Variants in DLGAP1 observed in about 807,000 individuals in gnomAD.
DLGAP1 encodes DLG associated protein 1.
Under a neutral mutation model 90.8 loss-of-function variants are expected in DLGAP1, and 11 were observed. That is an observed-to-expected ratio of 0.12 (90% confidence interval 0.08 to 0.20). DLGAP1 has a LOEUF of 0.20. Ranked by LOEUF, DLGAP1 falls within the 10% of genes least tolerant of loss-of-function variation. The pLI is 1.00. For missense variants in DLGAP1, 1,050 were observed against 1,333.8 expected (o/e 0.79, Z 3.31); for synonymous variants, 558 against 540.7 (o/e 1.03, Z -0.44).
At chr18:3,554,832 T>A (rs2053661218) in intron 9 of DLGAP1, among the ~76,000 whole-genome samples, 1 of 152,252 alleles carries the variant, frequency 6.6e-6, no homozygotes, top group African/African-American at 2.4e-5. Flanking sequence ...TAAATTATAA[T>A]TGATTCAAAA....
chr18:4,387,126 A>G (rs540843024), intron 1 of DLGAP1, among the ~76,000 whole-genome samples: 1 of 152,320 alleles, frequency 6.6e-6, no homozygotes, highest in South Asian at 2.1e-4. Context: ...AATAAAAACC[A>G]TGGGACTGGA....
intron 1 of DLGAP1, among the ~76,000 whole-genome samples, chr18:4,233,625 G>A (rs191265862): frequency 7.0e-4 from 106 of 152,200 alleles, no homozygotes; most frequent in African/African-American, 2.4e-3. Context: ...TTGTTAGAAG[G>A]AAGTCATTAA....
At chr18:3,926,438 A>ACG (rs758010487) in intron 3 of DLGAP1, among the ~76,000 whole-genome samples, 4,571 of 151,164 alleles carry the variant, frequency 0.03, 89 homozygotes, top group South Asian at 0.077. Flanking sequence ...ACACACACAC[A>ACG]CACACACATG....
chr18:4,300,160 T>G (rs1270628168), intron 1 of DLGAP1, among the ~76,000 whole-genome samples: 1 of 152,176 alleles, frequency 6.6e-6, no homozygotes, highest in African/African-American at 2.4e-5. Flanking sequence ...GCAAAGGAAT[T>G]TAATCCACAA....
chr18:4,078,824 A>C (rs1469283103), intron 2 of DLGAP1, among the ~76,000 whole-genome samples: 2 of 152,190 alleles, frequency 1.3e-5, no homozygotes, highest in African/African-American at 4.8e-5. Context: ...GAGGATTCTT[A>C]AGTGAAACAT....
At chr18:4,026,165 A>G (rs1434382539) in intron 2 of DLGAP1, among the ~76,000 whole-genome samples, 1 of 152,188 alleles carries the variant, frequency 6.6e-6, no homozygotes, top group African/African-American at 2.4e-5. Flanking sequence ...TACACACACA[A>G]ACATGCAAAG....
intron 3 of DLGAP1, among the ~76,000 whole-genome samples, chr18:3,974,333 T>C (rs1396645057): frequency 6.6e-6 from 1 of 152,098 alleles, no homozygotes. Flanking sequence ...TATAATCTTA[T>C]GGGACCACCG....
At chr18:3,773,260 C>T (rs778215668) in intron 5 of DLGAP1, among the ~76,000 whole-genome samples, 9 of 152,078 alleles carry the variant, frequency 5.9e-5, no homozygotes, top group Non-Finnish European at 8.8e-5. Context: ...CACATAAACT[C>T]TGTTGGGCTC....
chr18:4,086,190 T>C (rs2075678514), intron 2 of DLGAP1, among the ~76,000 whole-genome samples: 1 of 152,120 alleles, frequency 6.6e-6, no homozygotes, highest in Non-Finnish European at 1.5e-5. Flanking sequence ...TGAAGGACTT[T>C]GGGAAGCTGC....
intron 1 of DLGAP1, among the ~76,000 whole-genome samples, chr18:4,448,807 G>A (rs537627992): frequency 6.6e-6 from 1 of 152,290 alleles, no homozygotes; most frequent in African/African-American, 2.4e-5. Flanking sequence ...CATCAGTAAA[G>A]ATGTTAGATT....
At chr18:3,670,554 C>T (rs1191064507) in intron 7 of DLGAP1, among the ~76,000 whole-genome samples, 2 of 152,132 alleles carry the variant, frequency 1.3e-5, no homozygotes, top group Non-Finnish European at 2.9e-5. Context: ...AGAAATTCAT[C>T]TTAGAAGTTT....
intron 2 of DLGAP1, among the ~76,000 whole-genome samples, chr18:4,089,901 C>G (rs2075746389): frequency 6.6e-6 from 1 of 152,102 alleles, no homozygotes; most frequent in Admixed American, 6.5e-5. Context: ...AAAAATTAGC[C>G]AGGTGCGGTG....
intron 2 of DLGAP1, among the ~76,000 whole-genome samples, chr18:4,055,000 G>C (rs1421355141): frequency 6.6e-6 from 1 of 152,184 alleles, no homozygotes; most frequent in Non-Finnish European, 1.5e-5. Flanking sequence ...TATTTTGCGT[G>C]CTTTGGGAGC....
chr18:4,176,130 A>T (rs2077103346), intron 1 of DLGAP1, among the ~76,000 whole-genome samples: 1 of 152,100 alleles, frequency 6.6e-6, no homozygotes, highest in Admixed American at 6.6e-5. Context: ...TTCTCCTTGG[A>T]GAGGTCCTTC....
intron 1 of DLGAP1, among the ~76,000 whole-genome samples, chr18:4,312,016 A>T (rs1253366673): frequency 6.6e-6 from 1 of 151,936 alleles, no homozygotes; most frequent in Non-Finnish European, 1.5e-5. Flanking sequence ...ATGCCTGGCT[A>T]ATTTTTGTAT....
intron 3 of DLGAP1, among the ~76,000 whole-genome samples, chr18:3,882,991 C>A (rs902509685): frequency 6.6e-6 from 1 of 152,206 alleles, no homozygotes; most frequent in African/African-American, 2.4e-5. Context: ...CGCCTGTAAT[C>A]CTAGCACTTT....
chr18:3,647,261 A>C (rs2059154351), intron 7 of DLGAP1, among the ~76,000 whole-genome samples: 2 of 149,920 alleles, frequency 1.3e-5, no homozygotes, highest in South Asian at 4.2e-4. Context: ...TCTCAAAATA[A>C]ATAAATAAAT....
chr18:3,840,714 G>A (rs2068666628), intron 4 of DLGAP1, among the ~76,000 whole-genome samples: 1 of 152,156 alleles, frequency 6.6e-6, no homozygotes. Context: ...TACTTACTCT[G>A]TGCCAGGCAT....
intron 4 of DLGAP1, among the ~76,000 whole-genome samples, chr18:3,824,570 T>G (rs1019483586): frequency 6.6e-6 from 1 of 152,320 alleles, no homozygotes; most frequent in East Asian, 1.9e-4. Context: ...TAAAAAAGGT[T>G]TCGGCAAATA....
Sources: allele counts gnomAD v4.1 joint callset (sites outside exome capture counted in the v4.1 genomes callset), GRCh38; gene constraint gnomAD v4.1.1; transcripts MANE v1.5; gene names NCBI Gene and HGNC (gene_info 2026-07-23, HGNC 2026-07-21).